ZNF618: variants seen among roughly 807,000 people sequenced by gnomAD.
The protein encoded by ZNF618 is zinc finger protein 618, also known as neural precursor cell expressed, developmentally down-regulated 10.
Under a neutral mutation model 103.0 loss-of-function variants are expected in ZNF618, and 34 were observed. The ratio of observed to expected loss-of-function variants is 0.33; its 90% CI spans 0.25 to 0.44. The LOEUF is 0.44. Among genes scored for constraint, ZNF618 ranks in the 20% least tolerant of loss-of-function variants. The pLI is 1.00. For missense variants in ZNF618, 1,059 were observed against 1,295.4 expected, an observed-to-expected ratio of 0.82 and a Z score of 2.80; for synonymous variants, 551 against 542.2, an observed-to-expected ratio of 1.02 and a Z score of -0.23.
chr9:113,961,231 G>A (rs932877861), intron 1 of ZNF618, among the ~76,000 whole-genome samples: 4 of 152,174 alleles, frequency 2.6e-5, no homozygotes, highest in African/African-American at 9.7e-5. Flanking sequence ...TTTCCCTTCA[G>A]AGCACGTATC....
At chr9:113,985,587 C>A (rs1839398651) in intron 2 of ZNF618, among the ~76,000 whole-genome samples, 1 of 152,240 alleles carries the variant, frequency 6.6e-6, no homozygotes, top group Non-Finnish European at 1.5e-5. Flanking sequence ...GCCCGGAAAG[C>A]CAGGGAACCT....
rs558056432 is a variant in ZNF618 at position 113,927,483 on chromosome 9, G to A, written c.34-41634G>A. On this transcript the variant is annotated intron_variant, in intron 1 of 14. Coordinates refer to ENST00000374126, the MANE Select transcript of ZNF618 (RefSeq NM_001318042.2). ...ATGTGGTGCTAAGGACTGGGCGAGG[G>A]GTAGTGTTCTAGAATCCTCTCATTG... Among the ~76,000 whole-genome samples, 48 of 152,326 alleles carry A rather than the reference G, an allele frequency of 3.2e-4. 1 individual carries two copies. The South Asian group carries it at 9.7e-3, about 31-fold the overall frequency.
At chr9:114,047,043 G>A (rs1285690901) in intron 13 of ZNF618, among the ~76,000 whole-genome samples, 1 of 152,162 alleles carries the variant, frequency 6.6e-6, no homozygotes, top group Non-Finnish European at 1.5e-5. Context: ...GTGATATATC[G>A]TATATGATAG....
chr9:114,031,582 T>G (rs1289597273), intron 11 of ZNF618, among the ~76,000 whole-genome samples: 2 of 152,226 alleles, frequency 1.3e-5, no homozygotes, highest in Non-Finnish European at 2.9e-5. Flanking sequence ...CCAAAGTGCA[T>G]TCTCAAGATC....
At chr9:114,039,809 C>A (rs965563137) in intron 13 of ZNF618, among the ~76,000 whole-genome samples, 1 of 152,166 alleles carries the variant, frequency 6.6e-6, no homozygotes, top group Admixed American at 6.5e-5. Context: ...TTCTAAGACC[C>A]AACAACAGCA....
chr9:114,033,318 A>G (rs1677683176), intron 12 of ZNF618, among the ~76,000 whole-genome samples: 1 of 151,956 alleles, frequency 6.6e-6, no homozygotes, highest in African/African-American at 2.4e-5. Flanking sequence ...CCCAGGAGGC[A>G]GAGGTTGGAA....
rs1223682527 is a variant in ZNF618 at position 114,052,752 on chromosome 9, C to T, written c.*2585C>T. 1 of 152,178 alleles carries T rather than the reference C, an allele frequency of 6.6e-6. No homozygotes were observed. The highest frequency in any genetic ancestry group is 6.5e-5 in the Admixed American group (1 of 15,280). The allele number at this position is 152,178 out of a possible 1,614,324, so 9.4% of individuals were successfully genotyped here. On this transcript the variant is annotated 3_prime_UTR_variant, in exon 15 of 15. Coordinates refer to ENST00000374126, the MANE Select transcript of ZNF618 (RefSeq NM_001318042.2). ...GAGCAAAGTTGTGCTGGTGATGCCC[C>T]ATTATTGGGCCAGTTGATTAGAAAA... is the stretch of plus-strand genomic sequence containing the variant.
intron 1 of ZNF618, among the ~76,000 whole-genome samples, chr9:113,950,120 C>CA (rs1451413999): frequency 3.3e-5 from 5 of 152,202 alleles, no homozygotes; most frequent in Non-Finnish European, 5.9e-5. Context: ...AAAGAGGCTT[C>CA]AAAATCTCTG....
chr9:113,899,685 C>G (rs1259642710), intron 1 of ZNF618, among the ~76,000 whole-genome samples: 2 of 152,180 alleles, frequency 1.3e-5, no homozygotes, highest in African/African-American at 4.8e-5. Context: ...GGACCGCTGA[C>G]TTAGATGACT....
At chr9:114,001,955 C>G (rs1841257253) in intron 4 of ZNF618, 41 bp from the exon 5 acceptor site, 1 of 1,574,340 alleles carries the variant, frequency 6.4e-7, no homozygotes, top group African/African-American at 1.3e-5. Context: ...CTTGTGGTCA[C>G]AGAGGTTGGG....
intron 11 of ZNF618, among the ~76,000 whole-genome samples, chr9:114,031,629 A>T (rs949929582): frequency 1.3e-5 from 2 of 152,228 alleles, no homozygotes; most frequent in African/African-American, 2.4e-5. Context: ...CTAATGTTTT[A>T]AAAATGGGGT....
chr9:113,943,331 A>G (rs1834717139), intron 1 of ZNF618, among the ~76,000 whole-genome samples: 1 of 152,136 alleles, frequency 6.6e-6, no homozygotes. Context: ...TTGGGTGAGG[A>G]GAGGCTCAAG....
intron 3 of ZNF618, among the ~76,000 whole-genome samples, chr9:113,990,328 GGCTC>G (rs1228021554): frequency 6.6e-6 from 1 of 152,060 alleles, no homozygotes; most frequent in African/African-American, 2.4e-5. Flanking sequence ...TAGAGATTGG[GGCTC>G]CAGGACCTGC....
intron 1 of ZNF618, among the ~76,000 whole-genome samples, chr9:113,893,076 C>T (rs1159132646): frequency 6.6e-6 from 1 of 152,216 alleles, no homozygotes; most frequent in Non-Finnish European, 1.5e-5. Flanking sequence ...CTAAGTTGGG[C>T]CGCTTTCTGG....
chr9:114,034,332 T>A (rs10982042), intron 12 of ZNF618, among the ~76,000 whole-genome samples: 1 of 151,854 alleles, frequency 6.6e-6, no homozygotes, highest in Non-Finnish European at 1.5e-5. Flanking sequence ...AACCGAGGTC[T>A]CCAGATGTGC....
At chr9:113,984,977 T>G (rs1286924496) in intron 2 of ZNF618, among the ~76,000 whole-genome samples, 1 of 152,124 alleles carries the variant, frequency 6.6e-6, no homozygotes, top group Non-Finnish European at 1.5e-5. Flanking sequence ...GCCCATGCGC[T>G]AAACACCTAT....
intron 1 of ZNF618, among the ~76,000 whole-genome samples, chr9:113,954,632 G>A (rs1225463456): frequency 6.6e-6 from 1 of 152,188 alleles, no homozygotes; most frequent in Non-Finnish European, 1.5e-5. Flanking sequence ...AGTGTCTTCA[G>A]GTGGATCCTG....
At chr9:113,973,303 G>A (rs1185088892) in intron 2 of ZNF618, among the ~76,000 whole-genome samples, 2 of 152,132 alleles carry the variant, frequency 1.3e-5, no homozygotes, top group Non-Finnish European at 2.9e-5. Flanking sequence ...CTCCAACGTG[G>A]GCTTCTACCC....
chr9:113,877,228 ACCT>A (rs528304134), intron 1 of ZNF618, among the ~76,000 whole-genome samples: 5 of 152,018 alleles, frequency 3.3e-5, no homozygotes, highest in Admixed American at 2.6e-4. Context: ...AAAGCAAAAA[ACCT>A]CCTAAAAGCA....
Sources: gnomAD v4.1 joint callset for allele counts (sites outside exome capture counted in the v4.1 genomes callset) on GRCh38, gnomAD v4.1.1 for gene constraint, MANE v1.5 for transcripts, NCBI Gene and HGNC (gene_info 2026-07-23, HGNC 2026-07-21) for gene names.